Variants in HSP90AA1 observed in about 807,000 individuals in gnomAD.
HSP90AA1 encodes heat shock protein 90 alpha family class A member 1, also known as heat shock protein HSP 90-alpha.
HSP90AA1 carries 18 observed loss-of-function variants against 73.3 expected under a neutral mutation model. The observed-to-expected ratio is 0.25, with a 90% CI of 0.17 to 0.36. The LOEUF is 0.36. Among genes scored for constraint, HSP90AA1 ranks in the 10% least tolerant of loss-of-function variants. The pLI, the probability that HSP90AA1 is intolerant of heterozygous loss-of-function variation, is 1.00. For missense variants in HSP90AA1, 704 were observed against 874.2 expected (o/e 0.81, Z 2.45); for synonymous variants, 477 against 296.9 (o/e 1.61, Z -6.24).
In HSP90AA1 at chr14:102,084,777, G is replaced by A. The variant is rs781221092; in HGVS notation, c.885C>T (p.Pro295=). The A allele has an allele frequency of 3.7e-6, 6 of 1,614,076 alleles. No homozygotes were observed. The highest frequency in any genetic ancestry group is 3.3e-5 in the Admixed American group (2 of 60,020). The stretch of plus-strand genomic sequence containing the variant: ...TATCGTCGGGATTTCTGGTCCAGAT[G>A]GGCTTTGTTTTGTTGAGCTCTTCTT... The part of the protein sequence containing the change: ...IDQEELNKTK[P]IWTRNPDDIT... The change falls in exon 5 of 11, where the codon CCC becomes CCT. Residue 295 remains proline (P), a synonymous_variant. Transcript: ENST00000216281.
chr14:102,080,806 G>A lies in HSP90AA1; in HGVS notation c.*906C>T, dbSNP rs956379016. On this transcript the variant is annotated 3_prime_UTR_variant, in exon 11 of 11. Coordinates refer to ENST00000216281, the MANE Select transcript of HSP90AA1 (RefSeq NM_005348.4). Reference sequence around the variant, plus strand: ...TCCATGAATAACATCAAAACAACGTGGACACTAAGAGAACACATGTAACTC... The same window carrying A: ...TCCATGAATAACATCAAAACAACGTAGACACTAAGAGAACACATGTAACTC... 4.5e-6 allele frequency: 1 copy of A among 224,614 alleles called. No individual in the cohort carries two copies. Among genetic ancestry groups the A allele is most frequent in the Non-Finnish European group, 8.9e-6 (1 of 112,774 alleles). 13.9% of individuals were successfully genotyped at this position (224,614 alleles called of 1,614,324 possible).
chr14:102,110,278 T>A (rs1040279179), intron 1 of HSP90AA1, among the ~76,000 whole-genome samples: 1 of 152,194 alleles, frequency 6.6e-6, no homozygotes, highest in Non-Finnish European at 1.5e-5. Context: ...ATTCTGCTCC[T>A]GCCCTGCCCT....
chr14:102,082,585 T>TA (rs1332091329), intron 9 of HSP90AA1, 141 bp from the exon 10 acceptor site: 30 of 698,696 alleles, frequency 4.3e-5, no homozygotes, highest in Non-Finnish European at 6.2e-5. Context: ...TCGCATTAGG[T>TA]ATCCAAAGAG....
intron 1 of HSP90AA1, among the ~76,000 whole-genome samples, chr14:102,112,449 C>T (rs10145760): frequency 0.027 from 4,141 of 152,168 alleles, 196 homozygotes; most frequent in African/African-American, 0.093. Flanking sequence ...GCTGGGGTTA[C>T]GGGCGTGAGC....
chr14:102,083,732 T>TAAAAAA, intron 7 of HSP90AA1, 39 bp from the exon 8 acceptor site: 13 of 1,400,456 alleles, frequency 9.3e-6, no homozygotes, highest in Admixed American at 2.2e-5. Context: ...CTTTCTGAAT[T>TAAAAAA]AAAAAAAAAA....
intron 1 of HSP90AA1, among the ~76,000 whole-genome samples, chr14:102,104,344 G>A (rs1331525842): frequency 6.6e-6 from 1 of 151,980 alleles, no homozygotes; most frequent in Non-Finnish European, 1.5e-5. Flanking sequence ...CGAGTAGCTG[G>A]GATTACAGTC....
chr14:102,110,047 C>T (rs2049618706), intron 1 of HSP90AA1, among the ~76,000 whole-genome samples: 1 of 152,098 alleles, frequency 6.6e-6, no homozygotes, highest in Non-Finnish European at 1.5e-5. Flanking sequence ...GATTCTTCTG[C>T]CTCAGCCTCC....
chr14:102,084,940 T>C lies in HSP90AA1; in HGVS notation c.722A>G (p.Lys241Arg), dbSNP rs2049189258. 6.3e-7 allele frequency: 1 copy of C among 1,594,986 alleles called. No individual in the cohort carries two copies. Among genetic ancestry groups the C allele is most frequent in the Non-Finnish European group, 8.6e-7 (1 of 1,165,534 alleles). ...SDDEAEEKED[K>R]EEEKEKEEKE... ...CTCTTCTTTTTCTTTTTCTTCTTCTTTGTCTTCCTTTTCTTCAGCCTCATC... is the reference window on the plus strand; with the variant it reads ...CTCTTCTTTTTCTTTTTCTTCTTCTCTGTCTTCCTTTTCTTCAGCCTCATC... Residue 241 changes from lysine to arginine, a missense_variant, in exon 5 of 11, where the codon AAA becomes AGA. By Grantham distance (26) the Lys-to-Arg change is conservative. Transcript: ENST00000216281.
intron 2 of HSP90AA1, among the ~76,000 whole-genome samples, chr14:102,098,885 G>A (rs1025981128): frequency 3.9e-5 from 6 of 152,236 alleles, no homozygotes; most frequent in Admixed American, 2.0e-4. Flanking sequence ...GTTGGACCAG[G>A]TGCCATTTCT....
chr14:102,083,393 CA>C lies in HSP90AA1; in HGVS notation c.1487-92del, dbSNP rs1185956865. The stretch of plus-strand genomic sequence containing the variant: ...TTTTCTTGCTAGCCAGATACCTAGG[CA>C]GAACCTAAGACAGAAAATGACCTAG... On this transcript the variant is annotated intron_variant, in intron 8 of 10. Coordinates refer to ENST00000216281, the MANE Select transcript of HSP90AA1 (RefSeq NM_005348.4). 5 of 1,486,638 alleles carry C rather than the reference CA, an allele frequency of 3.4e-6. No homozygotes were observed. The Admixed American group carries it at 8.4e-5, about 25-fold the overall frequency. The allele number at this position is 1,486,638 out of a possible 1,614,324, so 92.1% of individuals were successfully genotyped here.
chr14:102,098,135 T>C (rs929686811), intron 2 of HSP90AA1, among the ~76,000 whole-genome samples: 2 of 152,080 alleles, frequency 1.3e-5, no homozygotes, highest in Non-Finnish European at 2.9e-5. Context: ...TCTCTTCTCT[T>C]TAAGCCTCGG....
intron 1 of HSP90AA1, among the ~76,000 whole-genome samples, chr14:102,118,777 G>C (rs2049738792): frequency 6.6e-6 from 1 of 151,232 alleles, no homozygotes; most frequent in African/African-American, 2.4e-5. Flanking sequence ...TTTAATATTT[G>C]ACAGAGCTGA....
In HSP90AA1 at chr14:102,083,271, G is replaced by C; in HGVS notation, c.1518C>G (p.Ala506=). 2 of 1,614,120 alleles carry C rather than the reference G, an allele frequency of 1.2e-6. No homozygotes were observed. Among genetic ancestry groups the C allele is most frequent in the East Asian group, 2.2e-5 (1 of 44,876 alleles). ...GETKDQVANS[A]FVERLRKHGL... ...CATGTTTCCGAAGACGTTCCACAAA[G>C]GCTGAGTTAGCTACCTGGTCCTTGG... is the stretch of plus-strand genomic sequence containing the variant. The change falls in exon 9 of 11, where the codon GCC becomes GCG. Residue 506 remains alanine (A), a synonymous_variant. Transcript: ENST00000216281.
intron 1 of HSP90AA1, among the ~76,000 whole-genome samples, chr14:102,114,115 G>C (rs370689082): frequency 6.6e-6 from 1 of 152,066 alleles, no homozygotes. Flanking sequence ...TCAGTCATCC[G>C]AGTAGCTGGG....
chr14:102,089,954 GTGAGCTTTGAGAACACAGACC>G (rs528072803), upstream of HSP90AA1, among the ~76,000 whole-genome samples: 265 of 152,272 alleles, frequency 1.7e-3, no homozygotes, highest in Non-Finnish European at 3.0e-3. Flanking sequence ...TGTAGCCAGG[GTGAGCTTTGAGAACACAGACC>G]TGGCCCTATC....
intron 9 of HSP90AA1, 176 bp from the exon 10 acceptor site, chr14:102,082,620 C>T (rs1229697319): frequency 1.6e-6 from 1 of 634,086 alleles, no homozygotes; most frequent in East Asian, 2.8e-5. Context: ...TCATGTTTTA[C>T]ATGCACAATT....
At chr14:102,112,118 T>G (rs2049649289) in intron 1 of HSP90AA1, among the ~76,000 whole-genome samples, 1 of 152,222 alleles carries the variant, frequency 6.6e-6, no homozygotes. Context: ...GATAATTTCC[T>G]CCTACAGTGT....
Position 102,084,469 on chromosome 14 carries a change from G to T in HSP90AA1, c.1077C>A (p.Asn359Lys), listed in dbSNP as rs1378569153. 1.2e-6 allele frequency: 2 copies of T among 1,613,716 alleles called. No individual in the cohort carries two copies. Among genetic ancestry groups the T allele is most frequent in the Non-Finnish European group, 1.7e-6 (2 of 1,179,614 alleles). The change falls in exon 6 of 11, where the codon AAC becomes AAA. Residue 359 changes from asparagine to lysine, a missense_variant. Coordinates refer to ENST00000216281, the MANE Select transcript of HSP90AA1 (RefSeq NM_005348.4). ...FDLFENRKKK[N>K]NIKLYVRRVF... ...CTCTGCGTACATACAATTTGATGTTGTTCTTTTTCTTTCTGTTTTCAAACA... is the reference window on the plus strand; with the variant it reads ...CTCTGCGTACATACAATTTGATGTTTTTCTTTTTCTTTCTGTTTTCAAACA...
exon 2 of HSP90AA1, chr14:102,102,049 T>C (rs1376621117): frequency 1.9e-6 from 3 of 1,614,086 alleles, no homozygotes; most frequent in Admixed American, 1.7e-5. Flanking sequence ...AGAGAAACAC[T>C]TGGGCCTTTT....
Sources: gnomAD v4.1 joint callset for allele counts (sites outside exome capture counted in the v4.1 genomes callset) on GRCh38, gnomAD v4.1.1 for gene constraint, MANE v1.5 for transcripts, NCBI Gene and HGNC (gene_info 2026-07-23, HGNC 2026-07-21) for gene names.